Variants in GALNT13 observed in about 807,000 individuals in gnomAD.
GALNT13 encodes polypeptide N-acetylgalactosaminyltransferase 13.
Under a neutral mutation model 64.2 loss-of-function variants are expected in GALNT13, and 28 were observed. The ratio of observed to expected loss-of-function variants is 0.44; its 90% CI spans 0.32 to 0.60. The LOEUF is 0.60. GALNT13 is among the 20% of genes least tolerant of loss of function. The pLI is 0.05. For synonymous variants in GALNT13, 214 were observed against 224.6 expected (o/e 0.95, Z 0.42); for missense variants, 577 against 669.8 (o/e 0.86, Z 1.53).
At chr2:154,217,279 T>A in intron 4 of GALNT13, among the ~76,000 whole-genome samples, 1 of 152,138 alleles carries the variant, frequency 6.6e-6, no homozygotes, top group East Asian at 1.9e-4. Context: ...TCTCATTATT[T>A]TGTATATAAT....
the GALNT13 span, among the ~76,000 whole-genome samples, chr2:153,311,037 C>T: frequency 5.9e-3 from 904 of 152,122 alleles, 9 homozygotes; most frequent in African/African-American, 0.02. Flanking sequence ...TAAATTCATC[C>T]GTACACCATT....
At chr2:154,024,655 G>A (rs1203566352) in intron 3 of GALNT13, among the ~76,000 whole-genome samples, 3 of 151,962 alleles carry the variant, frequency 2.0e-5, no homozygotes, top group Admixed American at 6.6e-5. Flanking sequence ...CCTGTAGCTC[G>A]GAGTAGTTTG....
At chr2:153,408,249 G>A in the GALNT13 span, among the ~76,000 whole-genome samples, 1 of 151,792 alleles carries the variant, frequency 6.6e-6, no homozygotes, top group East Asian at 1.9e-4. Flanking sequence ...CTGACTTCTG[G>A]TTGCCAATAG....
At chr2:154,068,928 G>T (rs1226334826) in intron 3 of GALNT13, among the ~76,000 whole-genome samples, 2 of 151,860 alleles carry the variant, frequency 1.3e-5, no homozygotes, top group African/African-American at 4.8e-5. Context: ...ACAAAGAAAA[G>T]ATAAATGCTT....
chr2:153,217,188 T>G, the GALNT13 span, among the ~76,000 whole-genome samples: 2 of 152,068 alleles, frequency 1.3e-5, no homozygotes, highest in African/African-American at 4.8e-5. Context: ...TTTGTTGTAT[T>G]AAGTAGTCTA....
intron 7 of GALNT13, among the ~76,000 whole-genome samples, chr2:154,250,643 G>A (rs1199522492): frequency 6.6e-6 from 1 of 151,750 alleles, no homozygotes; most frequent in Non-Finnish European, 1.5e-5. Flanking sequence ...ATTTCACTAA[G>A]TATAATAAAT....
chr2:154,384,544 C>T (rs1698416983), intron 9 of GALNT13, among the ~76,000 whole-genome samples: 1 of 151,828 alleles, frequency 6.6e-6, no homozygotes, highest in Admixed American at 6.6e-5. Flanking sequence ...CCTAGAATTA[C>T]TTTGTCCCTA....
the GALNT13 span, among the ~76,000 whole-genome samples, chr2:153,554,115 G>A: frequency 6.7e-6 from 1 of 150,044 alleles, no homozygotes; most frequent in Admixed American, 6.7e-5. Flanking sequence ...AGGAGATTGA[G>A]ACCATCCTGG....
chr2:153,455,515 C>T, the GALNT13 span, among the ~76,000 whole-genome samples: 2 of 152,186 alleles, frequency 1.3e-5, no homozygotes, highest in African/African-American at 2.4e-5. Flanking sequence ...CACTCGGACC[C>T]ACTGACTTCC....
At chr2:153,585,194 G>C in the GALNT13 span, among the ~76,000 whole-genome samples, 1 of 152,098 alleles carries the variant, frequency 6.6e-6, no homozygotes, top group African/African-American at 2.4e-5. Flanking sequence ...TTCAGGAAGT[G>C]CATAAGAAAT....
rs1405892529 is a variant in GALNT13 at position 154,438,609 on chromosome 2, T to A, written c.1413T>A (p.Ala471=). The A allele has an allele frequency of 6.2e-7, 1 of 1,611,930 alleles. No individual in the cohort carries two copies. Among genetic ancestry groups the A allele is most frequent in the Non-Finnish European group, 8.5e-7 (1 of 1,178,512 alleles). The part of the protein sequence containing the change: ...MGGNQVFSYT[A]DKEIRTDDLC... The stretch of plus-strand genomic sequence containing the variant: ...ATTTTCAGGTATTTTCTTACACTGC[T>A]GACAAAGAAATCCGAACCGATGACT... The change falls in exon 12 of 13, where the codon GCT becomes GCA. Residue 471 remains alanine, a synonymous_variant. Coordinates refer to ENST00000392825, the MANE Select transcript of GALNT13 (RefSeq NM_052917.4).
At position 154,048,556 on chromosome 2, in the gene GALNT13, A is replaced by G. The variant is rs560918572; in HGVS notation, c.143-91781A>G. The stretch of plus-strand genomic sequence containing the variant: ...AATATTATTAAAGGAGGTCATCTAC[A>G]GTGTAACTCATAATTTCTCTCACTG... On this transcript the variant is annotated intron_variant, in intron 3 of 12. Coordinates refer to ENST00000392825, the MANE Select transcript of GALNT13 (RefSeq NM_052917.4). Among the ~76,000 whole-genome samples, 16 of 152,312 alleles carry G rather than the reference A, an allele frequency of 1.1e-4. No homozygotes were observed. The South Asian group carries it at 3.3e-3, about 32-fold the overall frequency.
At chr2:153,550,502 G>A in the GALNT13 span, among the ~76,000 whole-genome samples, 1 of 152,010 alleles carries the variant, frequency 6.6e-6, no homozygotes, top group Non-Finnish European at 1.5e-5. Flanking sequence ...CAAAGTGCTG[G>A]GATTATAGAC....
the GALNT13 span, among the ~76,000 whole-genome samples, chr2:153,260,787 C>T: frequency 2.0e-5 from 3 of 152,042 alleles, no homozygotes; most frequent in Admixed American, 6.6e-5. Context: ...ATCTTTCTAC[C>T]CTGAACTTTC....
At chr2:153,943,250 T>G (rs1331498008) in intron 2 of GALNT13, among the ~76,000 whole-genome samples, 3 of 152,144 alleles carry the variant, frequency 2.0e-5, no homozygotes, top group African/African-American at 7.2e-5. Flanking sequence ...CATATCTTTG[T>G]TATAGCCTTT....
intron 1 of GALNT13, among the ~76,000 whole-genome samples, chr2:153,896,081 A>ATATTTTTTTTTTTTTTTT (rs1574065409): frequency 7.2e-4 from 98 of 136,724 alleles, no homozygotes; most frequent in Middle Eastern, 3.8e-3. Context: ...ATGATTTTAT[A>ATATTTTTTTTTTTTTTTT]TTTTTATGTT....
chr2:153,374,247 C>CCAACA, the GALNT13 span, among the ~76,000 whole-genome samples: 9 of 152,116 alleles, frequency 5.9e-5, no homozygotes, highest in Non-Finnish European at 1.3e-4. Context: ...CACATTCTTG[C>CCAACA]CAACACTTGT....
chr2:153,197,018 A>G, the GALNT13 span, among the ~76,000 whole-genome samples: 1 of 152,258 alleles, frequency 6.6e-6, no homozygotes, highest in East Asian at 1.9e-4. Flanking sequence ...AGTGGGCACA[A>G]TGGGCTGAAT....
At chr2:153,642,802 T>G in the GALNT13 span, among the ~76,000 whole-genome samples, 13 of 151,840 alleles carry the variant, frequency 8.6e-5, no homozygotes, top group Non-Finnish European at 1.5e-5. Context: ...TTACAAAATT[T>G]GCTCATGAAC....
Sources: gnomAD v4.1 joint callset for allele counts (sites outside exome capture counted in the v4.1 genomes callset) on GRCh38, gnomAD v4.1.1 for gene constraint, MANE v1.5 for transcripts, NCBI Gene and HGNC (gene_info 2026-07-23, HGNC 2026-07-21) for gene names.